Variants in SEPTIN8 observed in about 807,000 individuals in gnomAD.
SEPTIN8 encodes the protein septin 8.
In SEPTIN8, 22 loss-of-function variants were observed where a neutral mutation model predicts 53.1. The observed-to-expected ratio is 0.41, with a 90% CI of 0.30 to 0.59. The LOEUF is 0.59. Among genes scored for constraint, SEPTIN8 ranks in the 20% least tolerant of loss-of-function variants. The pLI is 0.24. For synonymous variants in SEPTIN8, 228 were observed against 248.4 expected (o/e 0.92, Z 0.77); for missense variants, 536 against 638.7 (o/e 0.84, Z 1.73).
rs776828879 is a variant in SEPTIN8 at position 132,764,418 on chromosome 5, C to T, written c.153G>A (p.Gly51=). The T allele has an allele frequency of 6.2e-7, 1 of 1,611,710 alleles. No homozygotes were observed. Among genetic ancestry groups the T allele is most frequent in the South Asian group, 1.1e-5 (1 of 90,660 alleles). ...GTGTGGATTTGCCAATGCCGGTCTC[C>T]CCTGGGCAGTGAGGACAGGAGGGGA... ...QGFSFNILCV[G]ETGIGKSTLM... The change falls in exon 3 of 10, where the codon GGG becomes GGA. Residue 51 remains glycine, a splice_region_variant and synonymous_variant. Coordinates refer to ENST00000378719, the MANE Select transcript of SEPTIN8 (RefSeq NM_001098811.2).
At chr5:132,766,525 T>C (rs2149984954) in intron 1 of SEPTIN8, among the ~76,000 whole-genome samples, 1 of 152,282 alleles carries the variant, frequency 6.6e-6, no homozygotes, top group Non-Finnish European at 1.5e-5. Flanking sequence ...CGAGGGAAGG[T>C]TCCCAGGTTC....
At chr5:132,756,343 T>C in intron 9 of SEPTIN8, 2 of 979,430 alleles carry the variant, frequency 2.0e-6, no homozygotes, top group African/African-American at 3.5e-5. Flanking sequence ...ATTAATAGCA[T>C]CCCCTTTCTC....
upstream of SEPTIN8, chr5:132,777,916 C>T: frequency 1.0e-6 from 1 of 985,466 alleles, no homozygotes; most frequent in Non-Finnish European, 1.2e-6. The surrounding 1 kb of genome is among the most constrained non-coding windows in gnomAD (Gnocchi z 4.1). Flanking sequence ...AAGCGGAGCT[C>T]GACGGTCAAG....
chr5:132,765,603 T>A, intron 1 of SEPTIN8, 74 bp from the exon 2 acceptor site: 2 of 1,503,280 alleles, frequency 1.3e-6, no homozygotes, highest in Non-Finnish European at 1.8e-6. Flanking sequence ...GGGCGCTAAA[T>A]CTGAGTTAAA....
At chr5:132,765,634 G>C (rs551446449) in intron 1 of SEPTIN8, 105 bp from the exon 2 acceptor site, 3 of 1,332,602 alleles carry the variant, frequency 2.3e-6, no homozygotes, top group Non-Finnish European at 3.0e-6. Flanking sequence ...AGCCCCACCC[G>C]ATGTCTGAAT....
Position 132,761,880 on chromosome 5 carries a change from G to C in SEPTIN8, c.713C>G (p.Ala238Gly), listed in dbSNP as rs868389329. Residue 238 changes from alanine to glycine, a missense_variant, in exon 6 of 10, where the codon GCC becomes GGC. By Grantham distance (60) the Ala-to-Gly change is moderately conservative. Coordinates refer to ENST00000378719, the MANE Select transcript of SEPTIN8 (RefSeq NM_001098811.2). This position sits in a 1 kb window ranked among gnomAD's most constrained non-coding sequence, Gnocchi z 5.8. ...NAVMNAHLPF[A>G]VVGSTEEVKV... ...CACCTCCTCGGTGCTGCCCACCACG[G>C]CAAAGGGCAGATGTGCCTGGAAAGG... 1.9e-6 allele frequency: 3 copies of C among 1,595,144 alleles called. No homozygotes were observed. In the Admixed American group the frequency reaches 5.2e-5, roughly 28 times the overall value.
chr5:132,778,170 T>C (rs186789511), upstream of SEPTIN8: 1 of 744,308 alleles, frequency 1.3e-6, no homozygotes, highest in Admixed American at 6.2e-5. Flanking sequence ...TGAAACCCCG[T>C]TTCTTTCTCT....
intron 9 of SEPTIN8, chr5:132,756,415 G>A (rs1159427884): frequency 4.9e-5 from 48 of 985,150 alleles, no homozygotes; most frequent in Non-Finnish European, 5.7e-5. Context: ...AAACAAACAT[G>A]GTTTATGATA....
intron 9 of SEPTIN8, chr5:132,757,366 C>T (rs541348432): frequency 1.0e-6 from 1 of 985,442 alleles, no homozygotes; most frequent in Admixed American, 6.1e-5. Context: ...ACAGCTCACC[C>T]CTCCACTTCT....
At position 132,773,019 on chromosome 5, in the gene SEPTIN8, C is replaced by T. The variant is rs987298643; in HGVS notation, c.30+4089G>A. Among the ~76,000 whole-genome samples, 16 of 152,154 alleles carry T rather than the reference C, an allele frequency of 1.1e-4. No individual in the cohort carries two copies. Among genetic ancestry groups the T allele is most frequent in the Non-Finnish European group, 2.1e-4 (14 of 68,032 alleles). On this transcript the variant is annotated intron_variant, in intron 1 of 9. Transcript: ENST00000378719. This position sits in a 1 kb window ranked among gnomAD's most constrained non-coding sequence, Gnocchi z 4.2. ...TATCCTGAGGAGAATATCTAATTTG[C>T]CCCAAGAACATGTAGGGCAACTGCA...
chr5:132,762,679 T>G, intron 4 of SEPTIN8, 34 bp from the exon 5 acceptor site: 1 of 1,612,274 alleles, frequency 6.2e-7, no homozygotes. Flanking sequence ...AGCAGGCTGG[T>G]TGGCTCTTTT....
At chr5:132,758,978 T>A in intron 9 of SEPTIN8, 1 of 786,656 alleles carries the variant, frequency 1.3e-6, no homozygotes, top group Non-Finnish European at 2.2e-6. Context: ...TTCACCTCAG[T>A]TTGTGGTGTC....
Position 132,761,567 on chromosome 5 carries a change from T to C in SEPTIN8, c.853A>G (p.Met285Val). The C allele has an allele frequency of 1.9e-6, 3 of 1,614,040 alleles. No homozygotes were observed. Among genetic ancestry groups the C allele is most frequent in the Non-Finnish European group, 2.5e-6 (3 of 1,180,010 alleles). Residue 285 changes from methionine to valine, a missense_variant, in exon 7 of 10, where the codon ATG (methionine) becomes GTG (valine). Met to Val is a conservative substitution (Grantham distance 21). This residue lies in a region of SEPTIN8 where 395 missense variants were observed against 451.8 expected (regional missense o/e 0.87). Transcript: ENST00000378719. This position sits in a 1 kb window ranked among gnomAD's most constrained non-coding sequence, Gnocchi z 5.8. ...KLREMLIRVNMEDLREQTHSR... is the reference protein window; with the variant it reads ...KLREMLIRVNVEDLREQTHSR... ...TGGGTCTGCTCGCGGAGGTCTTCCATGTTCACCCGGATCAACATCTCCCGC... is the reference window on the plus strand; with the variant it reads ...TGGGTCTGCTCGCGGAGGTCTTCCACGTTCACCCGGATCAACATCTCCCGC...
At chr5:132,762,872 G>A (rs1178188296) in intron 4 of SEPTIN8, among the ~76,000 whole-genome samples, 1 of 151,726 alleles carries the variant, frequency 6.6e-6, no homozygotes, top group Non-Finnish European at 1.5e-5. Flanking sequence ...TACAGCCCTG[G>A]TTCCCCCAAA....
chr5:132,770,063 G>GTA lies in SEPTIN8; in HGVS notation c.31-4536_31-4535dup, dbSNP rs769360917. On this transcript the variant is annotated intron_variant, in intron 1 of 9. Transcript: ENST00000378719. ...TATATGTGTGTGTGTGTGTGTGTGT[G>GTA]TATATATATATATATATGTATATAT... Among the ~76,000 whole-genome samples the GTA allele has an allele frequency of 3.1e-3, 277 of 90,220 alleles. 6 individuals are homozygous for GTA. The highest frequency in any genetic ancestry group is 0.019 in the Admixed American group (142 of 7,342). The allele number at this position is 90,220 out of a possible 152,430, so 59.2% of individuals were successfully genotyped here.
rs1261096330 is a variant in SEPTIN8 at position 132,751,767 on chromosome 5, G to A, written c.*249C>T. 6.0e-6 allele frequency: 3 copies of A among 497,988 alleles called. No homozygotes were observed. The highest frequency in any genetic ancestry group is 1.0e-5 in the Non-Finnish European group (3 of 295,010). 30.8% of individuals were successfully genotyped at this position (497,988 alleles called of 1,614,324 possible). On this transcript the variant is annotated 3_prime_UTR_variant, in exon 10 of 10. Coordinates refer to ENST00000378719, the MANE Select transcript of SEPTIN8 (RefSeq NM_001098811.2). ...ACAAAGCAGACTTTTTTTTTTTTTT[G>A]GTCCCGGAGTGGAAGCTCAGCTTGG...
intron 9 of SEPTIN8, chr5:132,758,731 GT>G: frequency 1.2e-6 from 2 of 1,612,798 alleles, no homozygotes; most frequent in Non-Finnish European, 1.7e-6. Flanking sequence ...CTCACACCAT[GT>G]TATGGGAGAA....
intron 1 of SEPTIN8, among the ~76,000 whole-genome samples, chr5:132,772,203 TC>T (rs1757392343): frequency 1.3e-5 from 2 of 152,196 alleles, no homozygotes; most frequent in African/African-American, 4.8e-5. Context: ...AGAGGCACTG[TC>T]TTTCCTTTCT....
At chr5:132,755,893 A>G (rs955441160) in intron 9 of SEPTIN8, 25 of 886,314 alleles carry the variant, frequency 2.8e-5, no homozygotes, top group Non-Finnish European at 3.2e-5. Context: ...ATCAACCTCC[A>G]CAAAATTCAA....
Sources: gnomAD v4.1 joint callset for allele counts (sites outside exome capture counted in the v4.1 genomes callset) on GRCh38, gnomAD v4.1.1 for gene constraint, gnomAD v4.1.1 regional missense constraint, Gnocchi (gnomAD v3.1) non-coding constraint, MANE v1.5 for transcripts, NCBI Gene and HGNC (gene_info 2026-07-23, HGNC 2026-07-21) for gene names.